Variants in IL1RAPL1 observed in about 807,000 individuals in gnomAD.
The protein encoded by IL1RAPL1 is interleukin 1 receptor accessory protein like 1, also known as interleukin-1 receptor accessory protein-like 1.
Under a neutral mutation model 48.4 loss-of-function variants are expected in IL1RAPL1, and 3 were observed. The observed-to-expected ratio is 0.06, with a 90% CI of 0.03 to 0.16. IL1RAPL1 has a LOEUF of 0.16. Ranked by LOEUF, IL1RAPL1 falls within the 10% of genes least tolerant of loss-of-function variation. The pLI is 1.00. For missense variants in IL1RAPL1, 349 were observed against 530.6 expected (o/e 0.66, Z 3.36); for synonymous variants, 185 against 187.7 (o/e 0.99, Z 0.12).
At chrX:28,836,526 A>G in intron 2 of IL1RAPL1, among the ~76,000 whole-genome samples, 2 of 109,022 alleles carry the variant, frequency 1.8e-5, no homozygotes, top group East Asian at 2.9e-4. Flanking sequence ...AAACAAGACC[A>G]TTTGTCTAAA....
intron 1 of IL1RAPL1, among the ~76,000 whole-genome samples, chrX:28,651,446 A>G (rs1432163602): frequency 8.9e-6 from 1 of 112,070 alleles, no homozygotes; most frequent in African/African-American, 3.2e-5. Flanking sequence ...CAAAGCCTAC[A>G]ATTTTTACTA....
At chrX:29,885,100 C>T (rs1254561227) in intron 6 of IL1RAPL1, among the ~76,000 whole-genome samples, 2 of 111,485 alleles carry the variant, frequency 1.8e-5, no homozygotes, top group Non-Finnish European at 3.8e-5. Context: ...GCCCCACTGG[C>T]CTTCTTGCTG....
chrX:28,899,384 C>A (rs1461561394), intron 2 of IL1RAPL1, among the ~76,000 whole-genome samples: 1 of 111,749 alleles, frequency 8.9e-6, no homozygotes, highest in Non-Finnish European at 1.9e-5. Flanking sequence ...TTTTGAACTC[C>A]CGGGCTCAAA....
At chrX:29,822,835 T>C (rs926202528) in intron 6 of IL1RAPL1, among the ~76,000 whole-genome samples, 23 of 111,671 alleles carry the variant, frequency 2.1e-4, no homozygotes, top group African/African-American at 7.2e-4. Flanking sequence ...GTAATAACAA[T>C]GTGATACTAC....
intron 5 of IL1RAPL1, among the ~76,000 whole-genome samples, chrX:29,538,197 A>T (rs774633734): frequency 1.8e-3 from 194 of 107,455 alleles, no homozygotes; most frequent in African/African-American, 6.1e-3. Flanking sequence ...ATAAACCATT[A>T]AAAAAAAAGC....
chrX:29,188,440 T>A lies in IL1RAPL1; in HGVS notation c.83-94498T>A, dbSNP rs981282451. ...ATTTCTCAAACTGTAAATGCCGAAT[T>A]TATTGAAGTGAAACAAATCCAGGGT... On this transcript the variant is annotated intron_variant, in intron 2 of 10. Coordinates refer to ENST00000378993, the MANE Select transcript of IL1RAPL1 (RefSeq NM_014271.4). Among the ~76,000 whole-genome samples the A allele has an allele frequency of 3.6e-5, 4 of 111,309 alleles. No individual in the cohort carries two copies. In the Admixed American group the frequency reaches 3.9e-4, roughly 11 times the overall value.
intron 2 of IL1RAPL1, among the ~76,000 whole-genome samples, chrX:28,930,815 G>A (rs1322150544): frequency 9.1e-6 from 1 of 110,394 alleles, no homozygotes; most frequent in Non-Finnish European, 1.9e-5. Context: ...CTAATTTTTT[G>A]TATTTTTGGT....
At chrX:29,327,984 C>A (rs1354268127) in intron 3 of IL1RAPL1, among the ~76,000 whole-genome samples, 1 of 111,724 alleles carries the variant, frequency 9.0e-6, no homozygotes, top group Non-Finnish European at 1.9e-5. Flanking sequence ...TTTGTTGAAC[C>A]CTGCTTTTTA....
At chrX:29,710,444 G>A (rs925230211) in intron 6 of IL1RAPL1, among the ~76,000 whole-genome samples, 21 of 106,425 alleles carry the variant, frequency 2.0e-4, no homozygotes, top group East Asian at 5.9e-4. Context: ...TTTGTTGTTC[G>A]TTTTGTTAAT....
chrX:29,802,747 TTATATATATATATATATA>T lies in IL1RAPL1; in HGVS notation c.779-114699_779-114682del, dbSNP rs1210417673. 8.9e-3 allele frequency among the ~76,000 whole-genome samples: 321 copies of T among 36,256 alleles called. 27 individuals are homozygous for T. Among genetic ancestry groups the T allele is most frequent in the African/African-American group, 0.023 (263 of 11,625 alleles). 31.5% of individuals were successfully genotyped at this position (36,256 alleles called of 115,157 possible). A position where few individuals can be genotyped will look rare whatever the true frequency, so the allele number is the denominator to read the frequency against. On this transcript the variant is annotated intron_variant, in intron 6 of 10. Coordinates refer to ENST00000378993, the MANE Select transcript of IL1RAPL1 (RefSeq NM_014271.4). ...AGCTATGAGGTCTCTGAGGAAAAAA[TTATATATATATATATATA>T]TATATATATATATATATGTGTGTGT... is the stretch of plus-strand genomic sequence containing the variant.
chrX:29,602,616 C>G (rs1923762026), intron 5 of IL1RAPL1, among the ~76,000 whole-genome samples: 1 of 112,152 alleles, frequency 8.9e-6, no homozygotes, highest in African/African-American at 3.2e-5. Flanking sequence ...TTAATTTTGC[C>G]TTTCTCAAAT....
chrX:29,298,269 G>T (rs941020446), intron 3 of IL1RAPL1, among the ~76,000 whole-genome samples: 8 of 111,661 alleles, frequency 7.2e-5, no homozygotes, highest in African/African-American at 2.6e-4. Flanking sequence ...AAGAGCCTTT[G>T]AAACAGTAAT....
intron 5 of IL1RAPL1, among the ~76,000 whole-genome samples, chrX:29,569,347 T>A (rs957979951): frequency 9.0e-5 from 10 of 110,850 alleles, no homozygotes; most frequent in Non-Finnish European, 1.7e-4. Flanking sequence ...ATGGCTCCAA[T>A]CTCAGAGAGC....
chrX:29,946,077 T>C (rs145703248), intron 9 of IL1RAPL1, among the ~76,000 whole-genome samples: 1,754 of 111,435 alleles, frequency 0.016, 37 homozygotes, highest in African/African-American at 0.054. Context: ...GTCATCAATA[T>C]CAGTCAATTG....
At chrX:28,730,544 T>TA (rs1358060801) in intron 1 of IL1RAPL1, among the ~76,000 whole-genome samples, 2 of 111,521 alleles carry the variant, frequency 1.8e-5, no homozygotes, top group African/African-American at 3.3e-5. Context: ...AAATGAACAA[T>TA]AAAAAAACTA....
intron 9 of IL1RAPL1, among the ~76,000 whole-genome samples, chrX:29,948,405 T>C (rs1158932225): frequency 2.7e-5 from 3 of 111,602 alleles, no homozygotes; most frequent in Non-Finnish European, 3.8e-5. Flanking sequence ...CATAGCAGAA[T>C]TGAAAAGCAA....
At chrX:29,738,327 G>A (rs1928100517) in intron 6 of IL1RAPL1, among the ~76,000 whole-genome samples, 1 of 111,585 alleles carries the variant, frequency 9.0e-6, no homozygotes, top group African/African-American at 3.3e-5. Context: ...CTTGATTAAA[G>A]CCATCAGGAA....
chrX:29,554,034 T>A (rs7055223), intron 5 of IL1RAPL1, among the ~76,000 whole-genome samples: 2 of 110,351 alleles, frequency 1.8e-5, no homozygotes, highest in African/African-American at 6.6e-5. Context: ...AATTTTCTGA[T>A]GGATCCAAGA....
At chrX:29,436,467 T>C (rs189553097) in intron 5 of IL1RAPL1, among the ~76,000 whole-genome samples, 1 of 110,190 alleles carries the variant, frequency 9.1e-6, no homozygotes, top group East Asian at 2.8e-4. Flanking sequence ...AGGGCTTAAA[T>C]TGTATTTGCT....
Sources: allele counts gnomAD v4.1 joint callset (sites outside exome capture counted in the v4.1 genomes callset), GRCh38; gene constraint gnomAD v4.1.1; transcripts MANE v1.5; gene names NCBI Gene and HGNC (gene_info 2026-07-23, HGNC 2026-07-21).